The following PKNOX2 variants were observed in gnomAD, a reference collection of about 807,000 sequenced individuals.
PKNOX2 encodes the protein PBX/knotted 1 homeobox 2.
Under a neutral mutation model 53.1 loss-of-function variants are expected in PKNOX2, and 14 were observed. That is an observed-to-expected ratio of 0.26 (90% CI 0.17 to 0.41). The LOEUF is 0.41. Ranked by LOEUF, PKNOX2 falls within the 10% of genes least tolerant of loss-of-function variation. PKNOX2 has a pLI of 1.00. For missense variants in PKNOX2, 496 were observed against 602.8 expected, an observed-to-expected ratio of 0.82 and a Z score of 1.85; for synonymous variants, 257 against 242.8, an observed-to-expected ratio of 1.06 and a Z score of -0.54.
intron 2 of PKNOX2, among the ~76,000 whole-genome samples, chr11:125,285,816 C>T (rs1043298421): frequency 1.3e-5 from 2 of 152,208 alleles, no homozygotes; most frequent in Non-Finnish European, 2.9e-5. Flanking sequence ...GTAATAAATA[C>T]TCCAAGCTCA....
At chr11:125,229,358 A>C (rs1326739868) in intron 1 of PKNOX2, among the ~76,000 whole-genome samples, 1 of 152,202 alleles carries the variant, frequency 6.6e-6, no homozygotes, top group Non-Finnish European at 1.5e-5. Flanking sequence ...ACTCTACCTC[A>C]TCCAATGATC....
chr11:125,395,042 T>C (rs1195578124), intron 6 of PKNOX2, among the ~76,000 whole-genome samples: 2 of 152,222 alleles, frequency 1.3e-5, no homozygotes, highest in African/African-American at 4.8e-5. Flanking sequence ...AACATTGTTA[T>C]AGCAAAGTAC....
chr11:125,403,993 T>C (rs548492249), intron 7 of PKNOX2, among the ~76,000 whole-genome samples: 2 of 152,144 alleles, frequency 1.3e-5, no homozygotes, highest in African/African-American at 4.8e-5. Flanking sequence ...GAATTTTGGA[T>C]TTTCCAGATT....
intron 2 of PKNOX2, among the ~76,000 whole-genome samples, chr11:125,276,562 G>A (rs1023010543): frequency 1.3e-5 from 2 of 152,160 alleles, no homozygotes; most frequent in African/African-American, 4.8e-5. Flanking sequence ...TTAGTTCTGA[G>A]ACAGACACAA....
At chr11:125,390,353 C>G (rs1029356675) in intron 6 of PKNOX2, among the ~76,000 whole-genome samples, 1 of 152,218 alleles carries the variant, frequency 6.6e-6, no homozygotes, top group African/African-American at 2.4e-5. Context: ...GACTCGCGCT[C>G]CAGTGACCAC....
At chr11:125,281,690 C>T (rs769537919) in intron 2 of PKNOX2, among the ~76,000 whole-genome samples, 4 of 152,172 alleles carry the variant, frequency 2.6e-5, no homozygotes, top group Admixed American at 6.5e-5. Context: ...ACAAAACAAA[C>T]CATGTGTTTC....
intron 2 of PKNOX2, among the ~76,000 whole-genome samples, chr11:125,316,695 G>T (rs1949216864): frequency 6.6e-6 from 1 of 152,192 alleles, no homozygotes; most frequent in African/African-American, 2.4e-5. Context: ...ATACTTTATT[G>T]CTTAAAAAAT....
At chr11:125,183,633 T>G (rs1956279884) in intron 1 of PKNOX2, among the ~76,000 whole-genome samples, 1 of 152,098 alleles carries the variant, frequency 6.6e-6, no homozygotes, top group African/African-American at 2.4e-5. Flanking sequence ...ACACTGACTC[T>G]TTTTTTATTA....
At chr11:125,423,463 A>G (rs1956268718) in intron 10 of PKNOX2, among the ~76,000 whole-genome samples, 1 of 152,178 alleles carries the variant, frequency 6.6e-6, no homozygotes, top group South Asian at 2.1e-4. Flanking sequence ...CCGATCACTG[A>G]TGCTTTCCCC....
At chr11:125,406,917 TAAAAAAAA>T (rs67687488) in intron 7 of PKNOX2, among the ~76,000 whole-genome samples, 4 of 41,762 alleles carry the variant, frequency 9.6e-5, no homozygotes, top group African/African-American at 4.3e-4. Context: ...AATCTATGTC[TAAAAAAAA>T]AAAAAAAAAA....
At position 125,431,456 on chromosome 11, in the gene PKNOX2, G is replaced by A; in HGVS notation, c.*64G>A. The A allele has an allele frequency of 5.6e-6, 3 of 534,442 alleles. No individual in the cohort carries two copies. Among genetic ancestry groups the A allele is most frequent in the Non-Finnish European group, 9.3e-6 (3 of 323,606 alleles). 33.1% of individuals were successfully genotyped at this position (534,442 alleles called of 1,614,324 possible). ...GGAGTGTCGCCGGGAGGCCTTCAGG[G>A]TGGGGGGGAAGGGGACATGGGCAGG... is the stretch of plus-strand genomic sequence containing the variant. On this transcript the variant is annotated 3_prime_UTR_variant, in exon 13 of 13. Transcript: ENST00000298282.
chr11:125,347,764 T>G (rs1199361416), intron 3 of PKNOX2, among the ~76,000 whole-genome samples: 1 of 152,054 alleles, frequency 6.6e-6, no homozygotes, highest in Admixed American at 6.6e-5. Context: ...GCAATAGAAT[T>G]TTTCCCTCCT....
intron 1 of PKNOX2, among the ~76,000 whole-genome samples, chr11:125,175,042 A>G (rs1474308969): frequency 6.6e-6 from 1 of 152,184 alleles, no homozygotes; most frequent in Non-Finnish European, 1.5e-5. Context: ...GCACTGGCAT[A>G]GCACCCCTTG....
chr11:125,228,367 C>T (rs148805554), intron 1 of PKNOX2, among the ~76,000 whole-genome samples: 143 of 152,306 alleles, frequency 9.4e-4, no homozygotes, highest in African/African-American at 3.2e-3. Flanking sequence ...AGGATGAAAA[C>T]GGGTGGCAGT....
intron 10 of PKNOX2, among the ~76,000 whole-genome samples, chr11:125,416,417 T>C (rs1192378726): frequency 1.3e-5 from 2 of 151,990 alleles, no homozygotes; most frequent in East Asian, 3.8e-4. Context: ...CCTTTATGTT[T>C]GTCTCATCTG....
intron 1 of PKNOX2, among the ~76,000 whole-genome samples, chr11:125,227,140 A>G (rs1309437317): frequency 6.6e-6 from 1 of 152,164 alleles, no homozygotes; most frequent in African/African-American, 2.4e-5. Context: ...TTGCCATCTT[A>G]AGCATTTTTA....
chr11:125,312,208 G>A (rs776309557), intron 2 of PKNOX2, among the ~76,000 whole-genome samples: 4 of 152,278 alleles, frequency 2.6e-5, no homozygotes, highest in South Asian at 2.1e-4. Context: ...TGCTGTGTGC[G>A]GGTAAGAAGG....
chr11:125,410,118 G>T lies in PKNOX2; in HGVS notation c.589-78G>T, dbSNP rs556350122. ...GAGGGGGGCAGGCAGGAAGGGGAAAGGACGGAAGAGGACTCTGGGGCTGTA... is the reference window on the plus strand; with the variant it reads ...GAGGGGGGCAGGCAGGAAGGGGAAATGACGGAAGAGGACTCTGGGGCTGTA... On this transcript the variant is annotated intron_variant, in intron 7 of 12. Transcript: ENST00000298282. The T allele has an allele frequency of 2.6e-6, 4 of 1,543,200 alleles. No individual in the cohort carries two copies. In the Admixed American group the frequency reaches 7.2e-5, roughly 28 times the overall value.
chr11:125,376,961 T>TCC (rs59300330), intron 5 of PKNOX2, among the ~76,000 whole-genome samples: 7,644 of 152,274 alleles, frequency 0.05, 609 homozygotes, highest in African/African-American at 0.16. Context: ...AAGATGCCTC[T>TCC]CCCTCCTCTT....
Sources: gnomAD v4.1 joint callset for allele counts (sites outside exome capture counted in the v4.1 genomes callset) on GRCh38, gnomAD v4.1.1 for gene constraint, MANE v1.5 for transcripts, NCBI Gene and HGNC (gene_info 2026-07-23, HGNC 2026-07-21) for gene names.